Variants in DHX36 observed in about 807,000 individuals in gnomAD.
The protein encoded by DHX36 is ATP-dependent DNA/RNA helicase DHX36.
A neutral mutation model predicts 139.0 loss-of-function variants in DHX36; 50 were observed. That is an observed-to-expected ratio of 0.36 (90% CI 0.29 to 0.46). The LOEUF is 0.46. Among genes scored for constraint, DHX36 ranks in the 20% least tolerant of loss-of-function variants. DHX36 has a pLI of 1.00. For missense variants in DHX36, 1,024 were observed against 1,211.3 expected (o/e 0.85, Z 2.29); for synonymous variants, 425 against 401.9 (o/e 1.06, Z -0.69).
At chr3:154,282,000 A>G (rs1719348483) in intron 20 of DHX36, among the ~76,000 whole-genome samples, 1 of 152,132 alleles carries the variant, frequency 6.6e-6, no homozygotes, top group South Asian at 2.1e-4. Context: ...TCAGGGGTAC[A>G]GTATTTCTTG....
At chr3:154,310,851 A>G (rs1393790255) in intron 4 of DHX36, among the ~76,000 whole-genome samples, 7 of 105,382 alleles carry the variant, frequency 6.6e-5, no homozygotes, top group Non-Finnish European at 9.2e-5. Flanking sequence ...ATATATATAT[A>G]TGTATATACA....
Position 154,276,788 on chromosome 3 carries a change from T to G in DHX36, c.2800A>C (p.Ile934Leu). The change falls in exon 24 of 25, where the codon ATT becomes CTT. Residue 934 changes from isoleucine to leucine, a missense_variant. Coordinates refer to ENST00000496811, the MANE Select transcript of DHX36 (RefSeq NM_020865.3). ...DQETIAVDEWIVFQSPARIAH... is the reference protein window; with the variant it reads ...DQETIAVDEWLVFQSPARIAH... ...ATTCTTGCTGGAGACTGAAATACAA[T>G]CCACTCATCTACAGCAATAGTTTCC... The G allele has an allele frequency of 6.2e-7, 1 of 1,613,772 alleles. No individual in the cohort carries two copies. The highest frequency in any genetic ancestry group is 8.5e-7 in the Non-Finnish European group (1 of 1,179,900).
Position 154,315,071 on chromosome 3 carries a change from T to A in DHX36, c.578A>T (p.Asn193Ile). The change falls in exon 3 of 25, where the codon AAT becomes ATT. Residue 193 changes from asparagine (N) to isoleucine (I), a missense_variant. Coordinates refer to ENST00000496811, the MANE Select transcript of DHX36 (RefSeq NM_020865.3). ...CTGCATTTCAATATACCGAAGGTCA[T>A]TTTTTTTCTTTTGTAAATCTTCCAA... Reference protein sequence around the residue: ...KLLEDLQKKKNDLRYIEMQHF... With the variant: ...KLLEDLQKKKIDLRYIEMQHF... 6.2e-7 allele frequency: 1 copy of A among 1,601,834 alleles called. No homozygotes were observed. The highest frequency in any genetic ancestry group is 1.1e-5 in the South Asian group (1 of 88,526).
chr3:154,286,538 T>C (rs1165572370), intron 17 of DHX36, among the ~76,000 whole-genome samples: 1 of 151,274 alleles, frequency 6.6e-6, no homozygotes, highest in Non-Finnish European at 1.5e-5. Flanking sequence ...TTTTGGATTC[T>C]GCTTTTAAAT....
At chr3:154,322,169 T>C (rs1713213378) in intron 1 of DHX36, among the ~76,000 whole-genome samples, 1 of 152,132 alleles carries the variant, frequency 6.6e-6, no homozygotes, top group African/African-American at 2.4e-5. Flanking sequence ...ACTATAATTA[T>C]ATCAGACTGG....
intron 5 of DHX36, among the ~76,000 whole-genome samples, chr3:154,307,225 T>C (rs567136698): frequency 2.6e-5 from 4 of 152,226 alleles, no homozygotes; most frequent in Non-Finnish European, 5.9e-5. Context: ...AAAGAATTTA[T>C]GACTAAGACC....
At chr3:154,321,969 T>C (rs1353172222) in intron 1 of DHX36, among the ~76,000 whole-genome samples, 1 of 147,770 alleles carries the variant, frequency 6.8e-6, no homozygotes, top group Non-Finnish European at 1.5e-5. Context: ...ACACATGACA[T>C]GACTTTAAAA....
At chr3:154,321,280 T>A (rs1713175943) in intron 1 of DHX36, among the ~76,000 whole-genome samples, 1 of 152,242 alleles carries the variant, frequency 6.6e-6, no homozygotes, top group Admixed American at 6.5e-5. Flanking sequence ...TCCATGTTCT[T>A]ATCTTTTACA....
chr3:154,280,550 A>G (rs762595349), intron 22 of DHX36, 29 bp downstream of exon 22: 2 of 1,467,920 alleles, frequency 1.4e-6, no homozygotes, highest in Admixed American at 1.8e-5. Flanking sequence ...GAGAATTACG[A>G]GTAATTAATA....
rs1713248325 is a variant in DHX36 at position 154,322,918 on chromosome 3, A to G, written c.243+1256T>C. Among the ~76,000 whole-genome samples, 9 of 152,376 alleles carry G rather than the reference A, an allele frequency of 5.9e-5. No homozygotes were observed. In the South Asian group the frequency reaches 1.9e-3, roughly 32 times the overall value. ...ACGAAAAAGTTAATTTGGGGCTGTA[A>G]AAGAAATGGATTTGTTTTTTAAAGA... On this transcript the variant is annotated intron_variant, in intron 1 of 24. Transcript: ENST00000496811.
At chr3:154,301,217 A>C in intron 9 of DHX36, 90 bp from the exon 10 acceptor site, 1 of 1,247,216 alleles carries the variant, frequency 8.0e-7, no homozygotes, top group Non-Finnish European at 1.1e-6. Context: ...GGATTTTCAA[A>C]AAGGATTCCA....
intron 1 of DHX36, among the ~76,000 whole-genome samples, chr3:154,322,933 T>C (rs371742440): frequency 5.3e-5 from 8 of 152,336 alleles, no homozygotes; most frequent in Admixed American, 2.6e-4. Flanking sequence ...AATGGATTTG[T>C]TTTTTAAAGA....
At position 154,301,042 on chromosome 3, in the gene DHX36, T is replaced by C; in HGVS notation, c.1303A>G (p.Lys435Glu). 1 of 1,608,938 alleles carries C rather than the reference T, an allele frequency of 6.2e-7. No homozygotes were observed. Among genetic ancestry groups the C allele is most frequent in the Non-Finnish European group, 8.5e-7 (1 of 1,176,644 alleles). The change falls in exon 10 of 25, where the codon AAA becomes GAA. Residue 435 changes from lysine to glutamate, a missense_variant. Coordinates refer to ENST00000496811, the MANE Select transcript of DHX36 (RefSeq NM_020865.3). ...GHVNRQEKEE[K>E]EAIYKERWPD... is the part of the protein sequence containing the mutation. Reference sequence around the variant, plus strand: ...CAACGTTCTTTATATATTGCTTCTTTTTCTTCTTTTTCTTGTCTATTTACA... The same window carrying C: ...CAACGTTCTTTATATATTGCTTCTTCTTCTTCTTTTTCTTGTCTATTTACA...
chr3:154,285,124 G>A, intron 17 of DHX36, 137 bp from the exon 18 acceptor site: 1 of 890,894 alleles, frequency 1.1e-6, no homozygotes, highest in Non-Finnish European at 1.7e-6. Flanking sequence ...TTCAGCTTTA[G>A]TTTTCCCTAC....
At position 154,280,648 on chromosome 3, in the gene DHX36, G is replaced by C; in HGVS notation, c.2498C>G (p.Ala833Gly). The change falls in exon 22 of 25, where the codon GCT (alanine) becomes GGT (glycine). Residue 833 changes from alanine to glycine, a missense_variant. Around this residue, in one of 4 missense-constraint regions of DHX36, gnomAD observed 470 missense variants for 616.2 expected, o/e 0.76. Coordinates refer to ENST00000496811, the MANE Select transcript of DHX36 (RefSeq NM_020865.3). The part of the protein sequence containing the change: ...INSDNEKIIK[A>G]VICAGLYPKV... ...GGGATATAAACCAGCACAGATGACAGCTTTAATTATCTTCTCATTATCTAT... is the reference window on the plus strand; with the variant it reads ...GGGATATAAACCAGCACAGATGACACCTTTAATTATCTTCTCATTATCTAT... The C allele has an allele frequency of 6.2e-7, 1 of 1,613,074 alleles. No homozygotes were observed. Among genetic ancestry groups the C allele is most frequent in the South Asian group, 1.1e-5 (1 of 90,764 alleles).
In DHX36 at chr3:154,285,283, T is replaced by C. The variant is rs538313292; in HGVS notation, c.2032-296A>G. ...AAGTCACCTAATAAAGTATAAAAGT[T>C]GTAGAAACAAACAACAAAAACAAAA... is the stretch of plus-strand genomic sequence containing the variant. On this transcript the variant is annotated intron_variant, in intron 17 of 24. Coordinates refer to ENST00000496811, the MANE Select transcript of DHX36 (RefSeq NM_020865.3). Among the ~76,000 whole-genome samples, 3 of 152,214 alleles carry C rather than the reference T, an allele frequency of 2.0e-5. No homozygotes were observed. The South Asian group carries it at 6.2e-4, about 32-fold the overall frequency.
intron 1 of DHX36, among the ~76,000 whole-genome samples, chr3:154,316,424 T>C (rs541383657): frequency 6.6e-6 from 1 of 152,188 alleles, no homozygotes; most frequent in African/African-American, 2.4e-5. Context: ...AGAAAGCTCA[T>C]TTATGTCTCT....
chr3:154,294,176 A>G (rs1711936698), intron 13 of DHX36, among the ~76,000 whole-genome samples: 1 of 152,208 alleles, frequency 6.6e-6, no homozygotes, highest in Non-Finnish European at 1.5e-5. Flanking sequence ...CTCCATGGGT[A>G]AGAACACTGA....
chr3:154,324,154 A>G lies in DHX36; in HGVS notation c.243+20T>C, dbSNP rs775983568. On this transcript the variant is annotated intron_variant, in intron 1 of 24. Transcript: ENST00000496811. ...AAACCTGTGCTGCCTCATCCTCTCC[A>G]CTACTGAATCCGAGATTACCTCTTG... is the stretch of plus-strand genomic sequence containing the variant. 3 of 1,602,728 alleles carry G rather than the reference A, an allele frequency of 1.9e-6. No individual in the cohort carries two copies. The highest frequency in any genetic ancestry group is 2.2e-5 in the East Asian group (1 of 44,528).
Sources: gnomAD v4.1 joint callset for allele counts (sites outside exome capture counted in the v4.1 genomes callset) on GRCh38, gnomAD v4.1.1 for gene constraint, gnomAD v4.1.1 regional missense constraint, MANE v1.5 for transcripts, NCBI Gene and HGNC (gene_info 2026-07-23, HGNC 2026-07-21) for gene names.